WWOX: variants seen among roughly 807,000 people sequenced by gnomAD.
The protein encoded by WWOX is WW domain containing oxidoreductase.
A neutral mutation model predicts 46.2 loss-of-function variants in WWOX; 69 were observed. That is an observed-to-expected ratio of 1.49 (90% confidence interval 1.23 to 1.82). WWOX has a LOEUF of 1.82. Among genes scored for constraint, WWOX ranks in the 40% most tolerant of loss-of-function variants. The pLI is 0.00. For missense variants in WWOX, 919 were observed against 542.6 expected (o/e 1.69, Z -6.89); for synonymous variants, 359 against 202.6 (o/e 1.77, Z -6.56).
intron 8 of WWOX, among the ~76,000 whole-genome samples, chr16:78,836,731 G>A (rs560038092): frequency 1.3e-5 from 2 of 152,262 alleles, no homozygotes; most frequent in African/African-American, 4.8e-5. Context: ...ATGGTAAGTG[G>A]CAGAGATGAG....
intron 8 of WWOX, among the ~76,000 whole-genome samples, chr16:78,907,929 G>C (rs537120774): frequency 2.0e-5 from 3 of 152,204 alleles, no homozygotes; most frequent in Admixed American, 6.5e-5. Context: ...GGTGACCCCA[G>C]TGAACAGATG....
At chr16:78,753,827 T>A (rs201851121) in intron 8 of WWOX, among the ~76,000 whole-genome samples, 706 of 56,744 alleles carry the variant, frequency 0.012, 3 homozygotes, top group African/African-American at 0.052. Context: ...AAAAAAAAAA[T>A]ATATATATAT....
chr16:78,481,909 G>T (rs2738687), intron 8 of WWOX, among the ~76,000 whole-genome samples: 5 of 152,252 alleles, frequency 3.3e-5, no homozygotes, highest in African/African-American at 7.2e-5. Context: ...TCTGCAGAGA[G>T]AGAACCTTTC....
At chr16:78,263,495 A>G (rs1444229746) in intron 5 of WWOX, among the ~76,000 whole-genome samples, 1 of 152,144 alleles carries the variant, frequency 6.6e-6, no homozygotes, top group Admixed American at 6.5e-5. Context: ...AGAACAGCAA[A>G]TGCTCATTAA....
intron 8 of WWOX, among the ~76,000 whole-genome samples, chr16:78,741,744 A>T (rs1308369609): frequency 1.3e-5 from 2 of 152,002 alleles, no homozygotes; most frequent in Non-Finnish European, 2.9e-5. Context: ...AGTCTCAGCT[A>T]CTCAGGAGGC....
intron 8 of WWOX, among the ~76,000 whole-genome samples, chr16:78,865,616 A>C (rs564533496): frequency 6.6e-6 from 1 of 152,218 alleles, no homozygotes; most frequent in Non-Finnish European, 1.5e-5. Context: ...AGTGTGGCTC[A>C]AGCCTGTAAT....
chr16:78,684,970 C>G (rs1417430548), intron 8 of WWOX, among the ~76,000 whole-genome samples: 1 of 152,152 alleles, frequency 6.6e-6, no homozygotes, highest in African/African-American at 2.4e-5. Flanking sequence ...CATCGTGGGC[C>G]TCTTTGGGGA....
intron 5 of WWOX, among the ~76,000 whole-genome samples, chr16:78,353,432 C>G (rs2081222348): frequency 6.6e-6 from 1 of 152,168 alleles, no homozygotes; most frequent in Non-Finnish European, 1.5e-5. Context: ...TTCACCAAAT[C>G]TATCGATTAA....
At chr16:78,182,053 G>A (rs2035547455) in intron 5 of WWOX, among the ~76,000 whole-genome samples, 1 of 152,136 alleles carries the variant, frequency 6.6e-6, no homozygotes, top group Admixed American at 6.5e-5. Flanking sequence ...ATGTGTTATG[G>A]GGGCCTAAGC....
chr16:78,216,204 C>G (rs1399127702), intron 5 of WWOX, among the ~76,000 whole-genome samples: 7 of 152,094 alleles, frequency 4.6e-5, no homozygotes, highest in Admixed American at 1.3e-4. Flanking sequence ...TACATAAAAA[C>G]AATGGGGGGA....
At chr16:79,100,964 G>A (rs1039850185) in intron 8 of WWOX, among the ~76,000 whole-genome samples, 13 of 151,946 alleles carry the variant, frequency 8.6e-5, no homozygotes, top group Admixed American at 4.6e-4. Context: ...GGTAAACTTG[G>A]CACCTGTAGA....
chr16:78,409,240 A>C (rs917134497), intron 6 of WWOX, among the ~76,000 whole-genome samples: 1 of 152,030 alleles, frequency 6.6e-6, no homozygotes, highest in Non-Finnish European at 1.5e-5. Context: ...TAAAGCTAGC[A>C]CTGTACAATA....
intron 8 of WWOX, among the ~76,000 whole-genome samples, chr16:78,520,419 G>T (rs2043323414): frequency 6.6e-6 from 1 of 152,168 alleles, no homozygotes; most frequent in Non-Finnish European, 1.5e-5. Flanking sequence ...TTTCGAGGCT[G>T]GAAAGGCAGG....
intron 8 of WWOX, among the ~76,000 whole-genome samples, chr16:79,007,200 C>T (rs1045363094): frequency 7.2e-5 from 11 of 152,114 alleles, no homozygotes; most frequent in Admixed American, 7.2e-4. Flanking sequence ...ACGAGAAAGT[C>T]AAGTTTTTAC....
chr16:78,520,332 G>A (rs1051825048), intron 8 of WWOX, among the ~76,000 whole-genome samples: 8 of 152,276 alleles, frequency 5.3e-5, no homozygotes, highest in South Asian at 4.2e-4. Context: ...TTAAGGATAC[G>A]CACATTAGAA....
At chr16:78,684,364 G>T (rs963462044) in intron 8 of WWOX, among the ~76,000 whole-genome samples, 2 of 152,180 alleles carry the variant, frequency 1.3e-5, no homozygotes, top group Non-Finnish European at 2.9e-5. Flanking sequence ...GAACCATGAG[G>T]GTTTTCCTTA....
At chr16:78,365,358 T>G (rs1475308028) in intron 5 of WWOX, among the ~76,000 whole-genome samples, 2 of 152,186 alleles carry the variant, frequency 1.3e-5, no homozygotes, top group African/African-American at 4.8e-5. Context: ...ACTTGCTGGA[T>G]AGTGGGTTCT....
At chr16:78,484,344 A>G (rs1822717109) in intron 8 of WWOX, among the ~76,000 whole-genome samples, 2 of 151,992 alleles carry the variant, frequency 1.3e-5, no homozygotes, top group Non-Finnish European at 2.9e-5. Flanking sequence ...TTTTTTTTCC[A>G]AGTATACCTA....
At chr16:78,376,424 A>G (rs186250910) in intron 5 of WWOX, among the ~76,000 whole-genome samples, 128 of 152,296 alleles carry the variant, frequency 8.4e-4, no homozygotes, top group African/African-American at 2.9e-3. Context: ...CCCTGTTCTT[A>G]TCTTGGGGCA....
Sources: allele counts gnomAD v4.1 joint callset (sites outside exome capture counted in the v4.1 genomes callset), GRCh38; gene constraint gnomAD v4.1.1; transcripts MANE v1.5; gene names NCBI Gene and HGNC (gene_info 2026-07-23, HGNC 2026-07-21).